Variants in SPSB3 observed in about 807,000 individuals in gnomAD.
SPSB3 encodes SPRY domain-containing SOCS box protein 3.
SPSB3 carries 18 observed loss-of-function variants against 29.5 expected under a neutral mutation model. The observed-to-expected ratio is 0.61, with a 90% CI of 0.42 to 0.91. The LOEUF (loss-of-function observed/expected upper bound fraction) is 0.91, where lower values mean the gene tolerates loss of function less well. SPSB3 is among the 40% of genes least tolerant of loss of function. SPSB3 has a pLI of 0.00. For synonymous variants in SPSB3, 299 were observed against 214.1 expected, an observed-to-expected ratio of 1.40 and a Z score of -3.46; for missense variants, 540 against 507.5, an observed-to-expected ratio of 1.06 and a Z score of -0.61.
chr16:1,782,059 T>C (rs374601533), intron 1 of SPSB3: 2 of 159,368 alleles, frequency 1.3e-5, no homozygotes, highest in African/African-American at 4.8e-5. Context: ...GCTGTTATGG[T>C]ATAAAATGCA....
chr16:1,778,537 C>G lies in SPSB3; in HGVS notation c.202G>C (p.Glu68Gln). 1 of 1,609,182 alleles carries G rather than the reference C, an allele frequency of 6.2e-7. No individual in the cohort carries two copies. Among genetic ancestry groups the G allele is most frequent in the South Asian group, 1.1e-5 (1 of 90,990 alleles). The change falls in exon 3 of 7, where the codon GAG (glutamate) becomes CAG (glutamine). Residue 68 changes from glutamate to glutamine, a missense_variant. Coordinates refer to ENST00000566339, the MANE Select transcript of SPSB3 (RefSeq NM_080861.4). ...SIPSAVPVTG[E>Q]SFCDCAGQSE... ...TGCCCAGCACAGTCACAGAAGGACT[C>G]GCCGGTCACGGGCACCGCACTGGGG...
Position 1,776,748 on chromosome 16 carries a change from C to G in SPSB3, c.*349G>C, listed in dbSNP as rs912893484. 3 of 394,510 alleles carry G rather than the reference C, an allele frequency of 7.6e-6. No homozygotes were observed. Among genetic ancestry groups the G allele is most frequent in the Non-Finnish European group, 1.4e-5 (3 of 216,820 alleles). The allele number at this position is 394,510 out of a possible 1,614,324, so 24.4% of individuals were successfully genotyped here. On this transcript the variant is annotated 3_prime_UTR_variant, in exon 7 of 7. Coordinates refer to ENST00000566339, the MANE Select transcript of SPSB3 (RefSeq NM_080861.4). ...CATCAACTCTACATTTATTGCAGTC[C>G]TTTAAGTCTATGACGGCGGGGCAGC... is the stretch of plus-strand genomic sequence containing the variant.
intron 6 of SPSB3, 128 bp downstream of exon 6, chr16:1,777,611 CCCCCTGGG>C (rs1007715777): frequency 1.4e-6 from 2 of 1,443,262 alleles, no homozygotes; most frequent in Non-Finnish European, 1.9e-6. Flanking sequence ...CACTGTCCCA[CCCCCTGGG>C]ACCCTGGGGC....
At chr16:1,781,804 C>T (rs1896727388) in intron 1 of SPSB3, 3 of 389,012 alleles carry the variant, frequency 7.7e-6, no homozygotes, top group East Asian at 5.3e-5. Flanking sequence ...GCATCTAAAA[C>T]CTCCACTCGC....
chr16:1,776,948 T>C lies in SPSB3; in HGVS notation c.*149A>G. Reference sequence around the variant, plus strand: ...CCTAGAGCCCCCACAGAAAGGACTGTCCCAGCCTCGGGAGCAAGAGATGGC... The same window carrying C: ...CCTAGAGCCCCCACAGAAAGGACTGCCCCAGCCTCGGGAGCAAGAGATGGC... On this transcript the variant is annotated 3_prime_UTR_variant, in exon 7 of 7. Coordinates refer to ENST00000566339, the MANE Select transcript of SPSB3 (RefSeq NM_080861.4). 2.2e-6 allele frequency: 2 copies of C among 907,314 alleles called. No individual in the cohort carries two copies. The highest frequency in any genetic ancestry group is 3.3e-6 in the Non-Finnish European group (2 of 611,982). 56.2% of individuals were successfully genotyped at this position (907,314 alleles called of 1,614,324 possible).
At chr16:1,778,837 C>G in intron 2 of SPSB3, 2 of 476,648 alleles carry the variant, frequency 4.2e-6, no homozygotes, top group South Asian at 8.7e-5. Flanking sequence ...GGCCCAGCCA[C>G]AGAGCAGTAG....
At chr16:1,781,004 A>G (rs1896686700) in intron 2 of SPSB3, 2 of 472,232 alleles carry the variant, frequency 4.2e-6, no homozygotes, top group African/African-American at 2.0e-5. Context: ...AAGTGCTAGG[A>G]TTATAGGTGT....
rs1221806226 is a variant in SPSB3, at chr16:1,777,403, C to T, written c.762G>A (p.Pro254=). ...ATKLQNKRFY[P]MVCSTAARSS... ...TCCGGGCCGCCGTGGAGCACACCAT[C>T]GGGTAGAATCTCTTGTTCTGCAGCT... The change falls in exon 7 of 7, where the codon CCG becomes CCA. Residue 254 remains proline, a synonymous_variant. Transcript: ENST00000566339. The T allele has an allele frequency of 8.9e-6, 14 of 1,573,594 alleles. No individual in the cohort carries two copies. Among genetic ancestry groups the T allele is most frequent in the African/African-American group, 2.7e-5 (2 of 74,342 alleles).
intron 6 of SPSB3, 74 bp downstream of exon 6, chr16:1,777,673 C>T: frequency 8.2e-6 from 13 of 1,588,270 alleles, no homozygotes; most frequent in South Asian, 1.1e-5. Context: ...CTCAGTGTCC[C>T]CTGGGCTGGG....
In SPSB3 at chr16:1,777,054, G is replaced by A. The variant is rs751305270; in HGVS notation, c.*43C>T. 2.5e-6 allele frequency: 4 copies of A among 1,571,248 alleles called. No individual in the cohort carries two copies. Among genetic ancestry groups the A allele is most frequent in the South Asian group, 2.3e-5 (2 of 87,656 alleles). ...ACAGAGAAAGAAGGGACAGAGGAAA[G>A]GGGCTGTCCCAGCCCAAGAAGGCAG... On this transcript the variant is annotated 3_prime_UTR_variant, in exon 7 of 7. Coordinates refer to ENST00000566339, the MANE Select transcript of SPSB3 (RefSeq NM_080861.4).
chr16:1,781,516 T>C lies in SPSB3; in HGVS notation c.-12-21A>G, dbSNP rs374640884. ...AGAATCTAGAAGAAAACACAGGCTC[T>C]GGGCAAAGGAAGACTCACAGCACTC... On this transcript the variant is annotated intron_variant, in intron 1 of 6. Transcript: ENST00000566339. The C allele has an allele frequency of 2.4e-5, 38 of 1,606,134 alleles. 1 individual carries two copies. In the African/African-American group the frequency reaches 2.4e-4, roughly 10 times the overall value.
chr16:1,782,300 C>A (rs1327452175), intron 1 of SPSB3: 1 of 151,814 alleles, frequency 6.6e-6, no homozygotes, highest in East Asian at 1.9e-4. Context: ...GGGAGCCGCC[C>A]TCCCCGGCGG....
At position 1,781,446 on chromosome 16, in the gene SPSB3, A is replaced by G. The variant is rs766325377; in HGVS notation, c.38T>C (p.Phe13Ser). The change falls in exon 2 of 7, where the codon TTC becomes TCC. Residue 13 changes from phenylalanine (F) to serine (S), a missense_variant. Transcript: ENST00000566339. ...GTCTCGGCGGGCTGCACTCAGGACG[A>G]AGTGCCAGGCCCTGCTGTTCCGGGG... is the stretch of plus-strand genomic sequence containing the variant. Reference protein sequence around the residue: ...RRPRNSRAWHFVLSAARRDAD... With the variant: ...RRPRNSRAWHSVLSAARRDAD... 1 of 1,612,752 alleles carries G rather than the reference A, an allele frequency of 6.2e-7. No homozygotes were observed. The highest frequency in any genetic ancestry group is 2.2e-5 in the East Asian group (1 of 44,884).
In SPSB3 at chr16:1,781,341, C is replaced by T. The variant is rs548760015; in HGVS notation, c.126+17G>A. On this transcript the variant is annotated intron_variant, in intron 2 of 6. Transcript: ENST00000566339. ...CACCTTAGGCCAGCCACGTCCGCCT[C>T]GCCCGCTGGAACCTACCTGCCCATC... 1.2e-5 allele frequency: 20 copies of T among 1,612,798 alleles called. No individual in the cohort carries two copies. The highest frequency in any genetic ancestry group is 3.3e-5 in the Admixed American group (2 of 60,000).
Position 1,777,844 on chromosome 16 carries a change from G to C in SPSB3, c.624C>G (p.Thr208=), listed in dbSNP as rs764957245. Residue 208 remains threonine (T), a synonymous_variant, in exon 6 of 7, where the codon ACC becomes ACG. Transcript: ENST00000566339. Reference sequence around the variant, plus strand: ...CCTGGCCGAACCGCGATGAGAAGCTGGTCTTGTCGCCCTTGTGGTGGAGGA... The same window carrying C: ...CCTGGCCGAACCGCGATGAGAAGCTCGTCTTGTCGCCCTTGTGGTGGAGGA... ...TGLLHHKGDK[T]SFSSRFGQGS... 2.5e-5 allele frequency: 40 copies of C among 1,612,636 alleles called. No homozygotes were observed. In the Admixed American group the frequency reaches 6.7e-4, roughly 27 times the overall value.
chr16:1,778,741 T>G (rs2042752206), intron 2 of SPSB3, 129 bp from the exon 3 acceptor site: 12 of 1,035,106 alleles, frequency 1.2e-5, no homozygotes, highest in Non-Finnish European at 1.6e-5. Context: ...CTCCAGGGAC[T>G]TCACAGTACC....
At position 1,778,324 on chromosome 16, in the gene SPSB3, G is replaced by A. The variant is rs1210122271; in HGVS notation, c.305-3C>T. ...GTCATCCCAGACCCAGTCGAAATCT[G>A]CAAGAGAGGCCCAGGCTGGGGCAGC... On this transcript the variant is annotated splice_polypyrimidine_tract_variant and splice_region_variant and intron_variant, in intron 3 of 6. Transcript: ENST00000566339. The A allele has an allele frequency of 6.2e-7, 1 of 1,611,910 alleles. No individual in the cohort carries two copies. The highest frequency in any genetic ancestry group is 1.7e-5 in the Admixed American group (1 of 59,980).
chr16:1,781,175 C>G, intron 2 of SPSB3, 183 bp downstream of exon 2: 5 of 1,534,802 alleles, frequency 3.3e-6, no homozygotes, highest in Middle Eastern at 1.7e-4. Context: ...TGTCCTTTGC[C>G]AAATTAAAGA....
chr16:1,777,448 A>G lies in SPSB3; in HGVS notation c.722-5T>C, dbSNP rs1414980310. 6.7e-7 allele frequency: 1 copy of G among 1,503,114 alleles called. No individual in the cohort carries two copies. Among genetic ancestry groups the G allele is most frequent in the Non-Finnish European group, 8.9e-7 (1 of 1,126,758 alleles). The allele number at this position is 1,503,114 out of a possible 1,614,324, so 93.1% of individuals were successfully genotyped here. A position where few individuals can be genotyped will look rare whatever the true frequency, so the allele number is the denominator to read the frequency against. On this transcript the variant is annotated splice_polypyrimidine_tract_variant and splice_region_variant and intron_variant, in intron 6 of 6. Transcript: ENST00000566339. ...GCAGCTTGGTGGCTGCCACACCTGG[A>G]AGGGAGGGGCCCAGCCTGAACCCCA...
Sources: allele counts gnomAD v4.1 joint callset, GRCh38; gene constraint gnomAD v4.1.1; transcripts MANE v1.5; gene names NCBI Gene and HGNC (gene_info 2026-07-23, HGNC 2026-07-21).